CMSS1: variants seen among roughly 807,000 people sequenced by gnomAD.
CMSS1 encodes cms1 ribosomal small subunit homolog.
A neutral mutation model predicts 43.5 loss-of-function variants in CMSS1; 33 were observed. That is an observed-to-expected ratio of 0.76 (90% CI 0.57 to 1.01). The LOEUF (loss-of-function observed/expected upper bound fraction) is 1.01, where lower values mean the gene tolerates loss of function less well. CMSS1 is among the 50% of genes least tolerant of loss of function. The pLI is 0.00. For missense variants in CMSS1, 313 were observed against 326.4 expected (o/e 0.96, Z 0.32); for synonymous variants, 115 against 117.2 (o/e 0.98, Z 0.12).
At chr3:99,936,050 ATAGT>A (rs749171221) in intron 1 of CMSS1, among the ~76,000 whole-genome samples, 43 of 152,134 alleles carry the variant, frequency 2.8e-4, no homozygotes, top group Admixed American at 1.4e-3. Flanking sequence ...ATTACTCTAC[ATAGT>A]TAGGTGCTAC....
chr3:100,037,961 G>GC (rs1293985998), intron 1 of CMSS1, among the ~76,000 whole-genome samples: 2 of 132,516 alleles, frequency 1.5e-5, no homozygotes, highest in Non-Finnish European at 3.2e-5. Flanking sequence ...TTTTTTGGGG[G>GC]GGGAGGGAAC....
intron 1 of CMSS1, among the ~76,000 whole-genome samples, chr3:100,094,689 T>C (rs2066172140): frequency 7.4e-6 from 1 of 135,814 alleles, no homozygotes; most frequent in African/African-American, 2.8e-5. Context: ...TTTTTTTTTT[T>C]TTTTTTTTTT....
At chr3:100,069,775 A>G (rs763851170) in intron 1 of CMSS1, among the ~76,000 whole-genome samples, 1 of 152,146 alleles carries the variant, frequency 6.6e-6, no homozygotes, top group Non-Finnish European at 1.5e-5. Flanking sequence ...TGGTAAGAGG[A>G]GGTGGCAGAA....
intron 1 of CMSS1, among the ~76,000 whole-genome samples, chr3:99,938,600 A>G (rs1268327878): frequency 1.3e-5 from 2 of 152,194 alleles, no homozygotes; most frequent in African/African-American, 4.8e-5. Flanking sequence ...CAGAACCTTT[A>G]AGCTAAGATT....
At chr3:99,852,299 A>C (rs1183755388) in intron 1 of CMSS1, among the ~76,000 whole-genome samples, 1 of 152,232 alleles carries the variant, frequency 6.6e-6, no homozygotes, top group Non-Finnish European at 1.5e-5. Flanking sequence ...GACTACTTAC[A>C]TTCTGATAGG....
intron 1 of CMSS1, among the ~76,000 whole-genome samples, chr3:100,010,697 T>A (rs1003544069): frequency 2.7e-5 from 4 of 148,230 alleles, no homozygotes; most frequent in Non-Finnish European, 6.0e-5. Context: ...CCACTGCAAC[T>A]TCTACCTCCC....
At chr3:100,000,087 C>A (rs925939700) in intron 1 of CMSS1, among the ~76,000 whole-genome samples, 3 of 152,152 alleles carry the variant, frequency 2.0e-5, no homozygotes, top group Non-Finnish European at 2.9e-5. Context: ...CAAGTTGATT[C>A]TAATATATAA....
At chr3:99,998,672 C>T (rs1709752839) in intron 1 of CMSS1, among the ~76,000 whole-genome samples, 1 of 152,314 alleles carries the variant, frequency 6.6e-6, no homozygotes, top group African/African-American at 2.4e-5. Context: ...ACGCGATTCT[C>T]CCGCCTCAGC....
intron 1 of CMSS1, among the ~76,000 whole-genome samples, chr3:100,091,335 ATGTATGTATG>A (rs2107434716): frequency 6.6e-6 from 1 of 151,982 alleles, no homozygotes; most frequent in East Asian, 1.9e-4. Flanking sequence ...AGGGGTGTGC[ATGTATGTATG>A]TGTATGTATG....
intron 1 of CMSS1, among the ~76,000 whole-genome samples, chr3:99,983,420 GTATGTATGTA>G (rs1709201362): frequency 6.7e-5 from 4 of 59,360 alleles, no homozygotes; most frequent in Admixed American, 4.0e-4. Context: ...ATATATATAT[GTATGTATGTA>G]TGTATATATA....
intron 6 of CMSS1, among the ~76,000 whole-genome samples, chr3:100,168,893 A>T (rs1411139963): frequency 6.6e-6 from 1 of 151,188 alleles, no homozygotes; most frequent in Non-Finnish European, 1.5e-5. Flanking sequence ...ACACACACAC[A>T]TATATATATA....
intron 2 of CMSS1, among the ~76,000 whole-genome samples, chr3:100,156,728 G>A (rs919147519): frequency 2.6e-5 from 4 of 151,964 alleles, no homozygotes; most frequent in African/African-American, 9.7e-5. Context: ...CCATTCTCCT[G>A]CCTCAGCCTC....
chr3:99,830,641 G>C (rs1325816606), intron 1 of CMSS1: 1 of 454,518 alleles, frequency 2.2e-6, no homozygotes. Flanking sequence ...GTAATTAATG[G>C]TACAGTTGGT....
chr3:100,057,792 A>C (rs542280378), intron 1 of CMSS1, among the ~76,000 whole-genome samples: 1 of 152,268 alleles, frequency 6.6e-6, no homozygotes, highest in African/African-American at 2.4e-5. Context: ...TACTGGAAAA[A>C]TCACTCAAAC....
chr3:100,173,849 C>A (rs992731250), intron 8 of CMSS1, among the ~76,000 whole-genome samples: 1 of 152,204 alleles, frequency 6.6e-6, no homozygotes, highest in East Asian at 1.9e-4. Context: ...AATCCCAGGT[C>A]TAGCAACTTA....
intron 1 of CMSS1, chr3:99,833,221 GA>G: frequency 6.2e-7 from 1 of 1,609,782 alleles, no homozygotes; most frequent in Non-Finnish European, 8.5e-7. Flanking sequence ...TTAAAAGTCT[GA>G]AGGATGTTGA....
At chr3:100,140,376 A>G (rs1023297139) in intron 1 of CMSS1, among the ~76,000 whole-genome samples, 1 of 152,060 alleles carries the variant, frequency 6.6e-6, no homozygotes, top group Non-Finnish European at 1.5e-5. Flanking sequence ...TCTGGTCACT[A>G]CTGATCCTTT....
intron 1 of CMSS1, among the ~76,000 whole-genome samples, chr3:100,136,762 A>G (rs2066759559): frequency 6.6e-6 from 1 of 152,214 alleles, no homozygotes; most frequent in Admixed American, 6.5e-5. Flanking sequence ...AGTAAATGAG[A>G]GATACACTTA....
intron 1 of CMSS1, among the ~76,000 whole-genome samples, chr3:99,825,946 T>G (rs1206450867): frequency 6.6e-6 from 1 of 151,664 alleles, no homozygotes; most frequent in East Asian, 1.9e-4. Context: ...CCTGGCTAAT[T>G]TTTTGTATTT....
Sources: allele counts gnomAD v4.1 joint callset (sites outside exome capture counted in the v4.1 genomes callset), GRCh38; gene constraint gnomAD v4.1.1; transcripts MANE v1.5; gene names NCBI Gene and HGNC (gene_info 2026-07-23, HGNC 2026-07-21).